Variants in DNMT1 observed in about 807,000 individuals in gnomAD.
DNMT1 encodes DNA (cytosine-5)-methyltransferase 1.
In DNMT1, 24 loss-of-function variants were observed where a neutral mutation model predicts 205.3. The observed-to-expected ratio is 0.12, with a 90% confidence interval of 0.08 to 0.16. The LOEUF is 0.16. DNMT1 is among the 10% of genes least tolerant of loss of function. The pLI, the probability that DNMT1 is intolerant of heterozygous loss-of-function variation, is 1.00. For synonymous variants in DNMT1, 817 were observed against 839.8 expected, an observed-to-expected ratio of 0.97 and a Z score of 0.47; for missense variants, 1,293 against 2,177.7, an observed-to-expected ratio of 0.59 and a Z score of 8.09.
In DNMT1 at chr19:10,186,637, G is replaced by A. The variant is rs560793258; in HGVS notation, c.81-4560C>T. Among the ~76,000 whole-genome samples the A allele has an allele frequency of 7.2e-4, 109 of 151,922 alleles. 1 individual carries two copies. The highest frequency in any genetic ancestry group is 2.6e-3 in the African/African-American group (106 of 41,476). On this transcript the variant is annotated intron_variant, in intron 1 of 40. Transcript: ENST00000359526. ...GCGGATCACCTGAGGTCAGGAGTTCGAGACCAGCCTGACCAACATGAAGAA... is the reference window on the plus strand; with the variant it reads ...GCGGATCACCTGAGGTCAGGAGTTCAAGACCAGCCTGACCAACATGAAGAA...
intron 9 of DNMT1, among the ~76,000 whole-genome samples, 193 bp downstream of exon 9, chr19:10,172,897 C>T (rs980308865): frequency 3.9e-4 from 60 of 151,940 alleles, no homozygotes; most frequent in African/African-American, 1.4e-3. Context: ...ATCTCATAAC[C>T]CACCTTTCAT....
chr19:10,141,355 A>C, intron 30 of DNMT1, 166 bp from the exon 31 acceptor site: 1 of 683,786 alleles, frequency 1.5e-6, no homozygotes, highest in East Asian at 2.7e-5. Context: ...ATAGAAACTT[A>C]AAACAATCCA....
chr19:10,177,230 C>T, intron 6 of DNMT1, 62 bp downstream of exon 6: 1 of 1,497,464 alleles, frequency 6.7e-7, no homozygotes, highest in Non-Finnish European at 9.3e-7. Context: ...GACGCCCTAC[C>T]AATTCCATCC....
At position 10,151,341 on chromosome 19, in the gene DNMT1, G is replaced by A. The variant is rs2038338042; in HGVS notation, c.2265+57C>T. On this transcript the variant is annotated intron_variant, in intron 24 of 40. Transcript: ENST00000359526. This position sits in a 1 kb window ranked among gnomAD's most constrained non-coding sequence, Gnocchi z 5.0. ...AGGTCAGGTTGGCGAGATACTAGAGGGCAACCTGCTTATTGGGAACATGGC... is the reference window on the plus strand; with the variant it reads ...AGGTCAGGTTGGCGAGATACTAGAGAGCAACCTGCTTATTGGGAACATGGC... 1.9e-6 allele frequency: 3 copies of A among 1,604,130 alleles called. No individual in the cohort carries two copies. Among genetic ancestry groups the A allele is most frequent in the Admixed American group, 1.7e-5 (1 of 60,012 alleles).
Position 10,138,727 on chromosome 19 carries a change from GCAGAAATCCCCA to G in DNMT1, c.3949-134_3949-123del. The G allele has an allele frequency of 7.7e-7, 1 of 1,293,726 alleles. No individual in the cohort carries two copies. Among genetic ancestry groups the G allele is most frequent in the East Asian group, 2.5e-5 (1 of 39,412 alleles). 80.1% of individuals were successfully genotyped at this position (1,293,726 alleles called of 1,614,324 possible). A position where few individuals can be genotyped will look rare whatever the true frequency, so the allele number is the denominator to read the frequency against. The stretch of plus-strand genomic sequence containing the variant: ...TGGCTGGCCAATGCGGAGTGCACTT[GCAGAAATCCCCA>G]GTTACCTCAGCAGGCGTGCTCCTGG... On this transcript the variant is annotated intron_variant, in intron 34 of 40. Coordinates refer to ENST00000359526, the MANE Select transcript of DNMT1 (RefSeq NM_001130823.3). The surrounding 1 kb of genome is among the most constrained non-coding windows in gnomAD (Gnocchi z 4.1).
intron 9 of DNMT1, 98 bp downstream of exon 9, chr19:10,172,992 T>C (rs2038852014): frequency 7.1e-7 from 1 of 1,407,520 alleles, no homozygotes; most frequent in African/African-American, 1.4e-5. Flanking sequence ...ATCTTGTTCT[T>C]CCACGTTCCC....
At chr19:10,147,510 C>T (rs2145286077) in intron 27 of DNMT1, among the ~76,000 whole-genome samples, 1 of 152,120 alleles carries the variant, frequency 6.6e-6, no homozygotes, top group East Asian at 1.9e-4. Flanking sequence ...ACTTGGGAAG[C>T]TGAGGCAGGA....
At chr19:10,189,604 G>T (rs977534873) in intron 1 of DNMT1, among the ~76,000 whole-genome samples, 34 of 149,480 alleles carry the variant, frequency 2.3e-4, no homozygotes, top group African/African-American at 6.2e-4. Context: ...TTTTTGAGAT[G>T]GGGGGGGTCT....
rs540847022 is a variant in DNMT1 at position 10,151,549 on chromosome 19, C to T, written c.2118-4G>A. 2.0e-5 allele frequency: 33 copies of T among 1,613,630 alleles called. No homozygotes were observed. In the South Asian group the frequency reaches 3.5e-4, roughly 17 times the overall value. ...CTTCATGGCCATATTGGGACACCTG[C>T]AATGTCACTGGTTATACCTAAGGCC... On this transcript the variant is annotated splice_region_variant and splice_polypyrimidine_tract_variant and intron_variant, in intron 23 of 40. Coordinates refer to ENST00000359526, the MANE Select transcript of DNMT1 (RefSeq NM_001130823.3). This position sits in a 1 kb window ranked among gnomAD's most constrained non-coding sequence, Gnocchi z 5.0.
chr19:10,138,038 T>C lies in DNMT1; in HGVS notation c.4116-29A>G, dbSNP rs1030941600. ...CAACAGAGGAGGAGGTCAACACCTC[T>C]GGAGATGCACGCAGCAGCTGTCCCC... is the stretch of plus-strand genomic sequence containing the variant. On this transcript the variant is annotated intron_variant, in intron 35 of 40. Transcript: ENST00000359526. The surrounding 1 kb of genome is among the most constrained non-coding windows in gnomAD (Gnocchi z 4.1). The C allele has an allele frequency of 6.2e-7, 1 of 1,600,614 alleles. No individual in the cohort carries two copies. Among genetic ancestry groups the C allele is most frequent in the African/African-American group, 1.3e-5 (1 of 74,762 alleles).
chr19:10,158,323 T>C lies in DNMT1; in HGVS notation c.1280+1335A>G, dbSNP rs79231068. ...GGTTGCTGGTGGACGCAACAGCATC[T>C]TGATCTAGATAGAAGGATCCCATAG... On this transcript the variant is annotated intron_variant, in intron 17 of 40. Coordinates refer to ENST00000359526, the MANE Select transcript of DNMT1 (RefSeq NM_001130823.3). Among the ~76,000 whole-genome samples the C allele has an allele frequency of 5.9e-3, 893 of 152,262 alleles. 19 individuals carry two copies. The highest frequency in any genetic ancestry group is 0.034 in the East Asian group (178 of 5,180).
chr19:10,183,591 G>A (rs2039123048), intron 1 of DNMT1, among the ~76,000 whole-genome samples: 1 of 152,158 alleles, frequency 6.6e-6, no homozygotes, highest in South Asian at 2.1e-4. Flanking sequence ...CGTGGTGGCT[G>A]ATGCCTGGAA....
intron 28 of DNMT1, among the ~76,000 whole-genome samples, chr19:10,145,991 G>C (rs1384471572): frequency 2.0e-5 from 3 of 151,936 alleles, no homozygotes; most frequent in Non-Finnish European, 4.4e-5. Context: ...ACCACACCCG[G>C]CTAATTTTTG....
intron 1 of DNMT1, among the ~76,000 whole-genome samples, chr19:10,189,759 G>A (rs1358395864): frequency 6.6e-6 from 1 of 152,064 alleles, no homozygotes; most frequent in Non-Finnish European, 1.5e-5. Flanking sequence ...ACCAAAATGT[G>A]TGTGTGACTC....
chr19:10,151,530 G>A lies in DNMT1; in HGVS notation c.2133C>T (p.Ala711=), dbSNP rs1450464100. 3.1e-6 allele frequency: 5 copies of A among 1,613,688 alleles called. No homozygotes were observed. The South Asian group carries it at 5.5e-5, about 18-fold the overall frequency. ...ACQERRCPNM[A]MKEADDDEEV... is the part of the protein sequence containing the mutation. The stretch of plus-strand genomic sequence containing the variant: ...CCTCATCGTCATCTGCCTCCTTCAT[G>A]GCCATATTGGGACACCTGCAATGTC... Residue 711 remains alanine (A), a synonymous_variant, in exon 24 of 41, where the codon GCC becomes GCT. Transcript: ENST00000359526. This position sits in a 1 kb window ranked among gnomAD's most constrained non-coding sequence, Gnocchi z 5.0.
chr19:10,140,564 T>A lies in DNMT1; in HGVS notation c.3523+217A>T. ...TTTGTATTCTTATTAGAGACGGGGT[T>A]TCACCATGTTGGCCAGGATGGTCTC... On this transcript the variant is annotated intron_variant, in intron 32 of 40. Transcript: ENST00000359526. The surrounding 1 kb of genome is among the most constrained non-coding windows in gnomAD (Gnocchi z 8.4). 1.1e-6 allele frequency: 1 copy of A among 927,922 alleles called. No homozygotes were observed. Among genetic ancestry groups the A allele is most frequent in the Non-Finnish European group, 1.6e-6 (1 of 617,410 alleles). 57.5% of individuals were successfully genotyped at this position (927,922 alleles called of 1,614,324 possible). A position where few individuals can be genotyped will look rare whatever the true frequency, so the allele number is the denominator to read the frequency against.
At chr19:10,145,852 G>A (rs933166443) in intron 28 of DNMT1, among the ~76,000 whole-genome samples, 7 of 151,884 alleles carry the variant, frequency 4.6e-5, no homozygotes, top group East Asian at 1.9e-4. Context: ...ATTTTGAGAC[G>A]GAGTCACACT....
chr19:10,134,371 G>A, intron 39 of DNMT1, 64 bp from the exon 40 acceptor site: 2 of 1,474,756 alleles, frequency 1.4e-6, no homozygotes, highest in Non-Finnish European at 1.9e-6. Context: ...GGGGGCAGGT[G>A]TACTGCCAGC....
chr19:10,144,316 G>A, intron 28 of DNMT1: 1 of 356,998 alleles, frequency 2.8e-6, no homozygotes, highest in Non-Finnish European at 5.5e-6. Flanking sequence ...GCTGAGGCAG[G>A]AGAATTGCTT....
Sources: gnomAD v4.1 joint callset for allele counts (sites outside exome capture counted in the v4.1 genomes callset) on GRCh38, gnomAD v4.1.1 for gene constraint, Gnocchi (gnomAD v3.1) non-coding constraint, MANE v1.5 for transcripts, NCBI Gene and HGNC (gene_info 2026-07-23, HGNC 2026-07-21) for gene names.